The following GLI3 variants were observed in gnomAD, a reference collection of about 807,000 sequenced individuals.
GLI3 encodes the protein transcription activator GLI3.
In GLI3, 20 loss-of-function variants were observed where a neutral mutation model predicts 100.8. The ratio of observed to expected loss-of-function variants is 0.20; its 90% CI spans 0.14 to 0.29. The LOEUF (loss-of-function observed/expected upper bound fraction) is 0.29. GLI3 is among the 10% of genes least tolerant of loss of function. The pLI is 1.00. For missense variants in GLI3, 2,040 were observed against 2,128.5 expected (o/e 0.96, Z 0.82); for synonymous variants, 938 against 860.5 (o/e 1.09, Z -1.58).
intron 3 of GLI3, among the ~76,000 whole-genome samples, chr7:42,082,399 G>A (rs917173530): frequency 6.6e-6 from 1 of 152,182 alleles, no homozygotes; most frequent in South Asian, 2.1e-4. Context: ...TGGATGACAC[G>A]GCACCAGAAA....
chr7:41,980,288 A>G (rs1787622736), intron 10 of GLI3, among the ~76,000 whole-genome samples: 1 of 152,212 alleles, frequency 6.6e-6, no homozygotes, highest in South Asian at 2.1e-4. Context: ...CTTTAAAGTT[A>G]TGATGATGCA....
intron 7 of GLI3, among the ~76,000 whole-genome samples, chr7:42,035,688 A>G (rs1423937125): frequency 1.3e-5 from 2 of 152,190 alleles, no homozygotes; most frequent in Non-Finnish European, 2.9e-5. Flanking sequence ...AAGACTACAG[A>G]AGAAGGGGGT....
intron 10 of GLI3, among the ~76,000 whole-genome samples, chr7:41,996,635 T>A (rs186439673): frequency 6.6e-6 from 1 of 152,308 alleles, no homozygotes; most frequent in East Asian, 1.9e-4. Flanking sequence ...GAAAGAATTA[T>A]CTAATCCTAA....
intron 1 of GLI3, among the ~76,000 whole-genome samples, chr7:42,226,496 G>A (rs1184170709): frequency 6.6e-6 from 1 of 152,150 alleles, no homozygotes; most frequent in East Asian, 1.9e-4. Context: ...TCCAGGCACT[G>A]ACTGAAATCA....
At chr7:42,044,070 C>A (rs1784195720) in intron 6 of GLI3, among the ~76,000 whole-genome samples, 1 of 152,148 alleles carries the variant, frequency 6.6e-6, no homozygotes, top group Non-Finnish European at 1.5e-5. Flanking sequence ...AAAGGTAGCT[C>A]TTGATGGTAA....
intron 3 of GLI3, among the ~76,000 whole-genome samples, chr7:42,117,287 G>A (rs1785883431): frequency 6.6e-6 from 1 of 152,184 alleles, no homozygotes. Context: ...TGGATTCCTG[G>A]ATGCCTCTTT....
Position 42,223,216 on chromosome 7 carries a change from T to C in GLI3, c.38A>G (p.Lys13Arg). 1.9e-6 allele frequency: 3 copies of C among 1,613,948 alleles called. No individual in the cohort carries two copies. The highest frequency in any genetic ancestry group is 2.5e-6 in the Non-Finnish European group (3 of 1,179,876). ...CACTATGGAATTCTCAACTTTTTTC[T>C]TTTCAGTGGTCGTGGAGCTGTGGGA... ...AQSHSSTTTE[K>R]KKVENSIVKC... Residue 13 changes from lysine to arginine, a missense_variant, in exon 2 of 15, where the codon AAG becomes AGG. This residue lies in a region of GLI3 where 603 missense variants were observed against 690.9 expected (regional missense o/e 0.87). Transcript: ENST00000395925.
intron 2 of GLI3, among the ~76,000 whole-genome samples, chr7:42,199,967 A>C (rs1335431567): frequency 2.6e-5 from 4 of 152,186 alleles, no homozygotes; most frequent in Non-Finnish European, 1.5e-5. Flanking sequence ...GAGGCAGAAG[A>C]ATTGCTTGAA....
intron 3 of GLI3, among the ~76,000 whole-genome samples, chr7:42,092,716 C>T (rs1229849885): frequency 6.6e-6 from 1 of 152,134 alleles, no homozygotes; most frequent in Non-Finnish European, 1.5e-5. Context: ...TTCAGTTGAC[C>T]AACAGATGAC....
intron 2 of GLI3, among the ~76,000 whole-genome samples, chr7:42,183,807 C>T (rs1319549285): frequency 6.6e-6 from 1 of 152,208 alleles, no homozygotes; most frequent in African/African-American, 2.4e-5. Context: ...GTCACCCCCT[C>T]TCACCCGGAC....
At chr7:42,008,513 T>C (rs1209598261) in intron 10 of GLI3, among the ~76,000 whole-genome samples, 3 of 152,214 alleles carry the variant, frequency 2.0e-5, no homozygotes, top group Non-Finnish European at 4.4e-5. Flanking sequence ...TATTCACAAG[T>C]GCTCACTGCA....
At chr7:42,110,952 G>C (rs572261995) in intron 3 of GLI3, among the ~76,000 whole-genome samples, 3 of 152,226 alleles carry the variant, frequency 2.0e-5, no homozygotes, top group Admixed American at 2.0e-4. Flanking sequence ...AGAACAGCAC[G>C]AGCTTTGGAA....
At chr7:42,156,719 T>TA (rs1787012822) in intron 2 of GLI3, among the ~76,000 whole-genome samples, 1 of 152,322 alleles carries the variant, frequency 6.6e-6, no homozygotes, top group East Asian at 1.9e-4. Context: ...CCAGAGGACT[T>TA]ACAGCTTGGT....
At chr7:42,177,299 G>A (rs554200057) in intron 2 of GLI3, among the ~76,000 whole-genome samples, 2 of 152,190 alleles carry the variant, frequency 1.3e-5, no homozygotes, top group Admixed American at 1.3e-4. Context: ...GCAGCAGGAG[G>A]TCACATATTC....
intron 3 of GLI3, among the ~76,000 whole-genome samples, chr7:42,102,139 T>C (rs1032798436): frequency 6.6e-6 from 1 of 152,140 alleles, no homozygotes; most frequent in African/African-American, 2.4e-5. Flanking sequence ...AATGCCGCTG[T>C]AAACATACGT....
At chr7:42,260,360 T>C (rs1789125898) in intron 1 of GLI3, among the ~76,000 whole-genome samples, 1 of 152,218 alleles carries the variant, frequency 6.6e-6, no homozygotes, top group Admixed American at 6.5e-5. Context: ...CATTTATTAT[T>C]TTACGCATTC....
At chr7:42,048,353 T>G (rs1784286590) in intron 5 of GLI3, 138 bp downstream of exon 5, 1 of 727,546 alleles carries the variant, frequency 1.4e-6, no homozygotes, top group Admixed American at 1.9e-5. Flanking sequence ...AACGCAATCA[T>G]GCATGTAAGG....
intron 2 of GLI3, among the ~76,000 whole-genome samples, chr7:42,153,588 G>C (rs529247572): frequency 1.8e-3 from 268 of 152,004 alleles, no homozygotes; most frequent in Admixed American, 2.5e-3. Flanking sequence ...ATGTTAAGGG[G>C]GGGTGGGGGG....
At chr7:42,191,920 G>T (rs1240965925) in intron 2 of GLI3, among the ~76,000 whole-genome samples, 1 of 151,854 alleles carries the variant, frequency 6.6e-6, no homozygotes, top group African/African-American at 2.4e-5. Flanking sequence ...TTACCATACT[G>T]CTCCCAATTA....
Sources: gnomAD v4.1 joint callset for allele counts (sites outside exome capture counted in the v4.1 genomes callset) on GRCh38, gnomAD v4.1.1 for gene constraint, gnomAD v4.1.1 regional missense constraint, MANE v1.5 for transcripts, NCBI Gene and HGNC (gene_info 2026-07-23, HGNC 2026-07-21) for gene names.